The following CMKLR1 variants were observed in gnomAD, a reference collection of about 807,000 sequenced individuals.
CMKLR1 encodes chemerin-like receptor 1.
In CMKLR1, 6 loss-of-function variants were observed where a neutral mutation model predicts 8.2. The ratio of observed to expected loss-of-function variants is 0.73; its 90% confidence interval spans 0.40 to 1.44. The LOEUF (loss-of-function observed/expected upper bound fraction) is 1.44, where lower values mean the gene tolerates loss of function less well. Among genes scored for constraint, CMKLR1 ranks in the 40% most tolerant of loss-of-function variants. The pLI, the probability that CMKLR1 is intolerant of heterozygous loss-of-function variation, is 0.02. For synonymous variants in CMKLR1, 178 were observed against 181.2 expected, an observed-to-expected ratio of 0.98 and a Z score of 0.14; for missense variants, 429 against 478.0, an observed-to-expected ratio of 0.90 and a Z score of 0.96.
Position 108,330,053 on chromosome 12 carries a change from G to T in CMKLR1, c.-132C>A, listed in dbSNP as rs997160311. 1 of 152,130 alleles carries T rather than the reference G, an allele frequency of 6.6e-6. No homozygotes were observed. Among genetic ancestry groups the T allele is most frequent in the African/African-American group, 2.4e-5 (1 of 41,402 alleles). The allele number at this position is 152,130 out of a possible 1,614,324, so 9.4% of individuals were successfully genotyped here. On this transcript the variant is annotated 5_prime_UTR_variant, in exon 2 of 4. Coordinates refer to ENST00000550402, the MANE Select transcript of CMKLR1 (RefSeq NM_001142343.2). ...TTCTCCTCCCCTTGAATCTGCACTG[G>T]CATGGTGAGTTGCTGTGACCAACAG...
intron 2 of CMKLR1, among the ~76,000 whole-genome samples, chr12:108,321,327 G>A (rs1427556854): frequency 6.6e-6 from 1 of 152,134 alleles, no homozygotes; most frequent in Non-Finnish European, 1.5e-5. Flanking sequence ...AGCTATGCAG[G>A]AGGCTAAGGC....
At chr12:108,313,960 C>T (rs902129484) in intron 2 of CMKLR1, among the ~76,000 whole-genome samples, 5 of 152,306 alleles carry the variant, frequency 3.3e-5, no homozygotes, top group South Asian at 4.1e-4. Flanking sequence ...CTTTAATCTC[C>T]GCCAGCACTT....
rs1488413257 is a variant in CMKLR1, at chr12:108,289,242, G to C, written c.*2599C>G. On this transcript the variant is annotated 3_prime_UTR_variant, in exon 4 of 4. Coordinates refer to ENST00000550402, the MANE Select transcript of CMKLR1 (RefSeq NM_001142343.2). ...ACTGAGTCCTGGGCCCAGAGAGAAG[G>C]CTCTGGGCACTAAGTATGTTGGTTG... 6.6e-6 allele frequency: 1 copy of C among 152,286 alleles called. No individual in the cohort carries two copies. The highest frequency in any genetic ancestry group is 1.5e-5 in the Non-Finnish European group (1 of 68,110). 9.4% of individuals were successfully genotyped at this position (152,286 alleles called of 1,614,324 possible).
chr12:108,309,497 T>C (rs1001786370), intron 2 of CMKLR1, among the ~76,000 whole-genome samples: 2 of 150,542 alleles, frequency 1.3e-5, no homozygotes, highest in African/African-American at 2.5e-5. Context: ...ATTGCACCAC[T>C]ACACTCCAAC....
At position 108,292,666 on chromosome 12, in the gene CMKLR1, G is replaced by A. The variant is rs375250297; in HGVS notation, c.297C>T (p.Ala99=). Reference sequence around the variant, plus strand: ...CGAAAACCCAGTGGTAGTCCATGGCGGCATAGGTGATATGGATTGGGAGGA... The same window carrying A: ...CGAAAACCCAGTGGTAGTCCATGGCAGCATAGGTGATATGGATTGGGAGGA... ...NVFLPIHITY[A]AMDYHWVFGT... Residue 99 remains alanine, a synonymous_variant, in exon 4 of 4, where the codon GCC becomes GCT. Coordinates refer to ENST00000550402, the MANE Select transcript of CMKLR1 (RefSeq NM_001142343.2). The A allele has an allele frequency of 6.7e-4, 1,079 of 1,614,140 alleles. 11 individuals carry two copies. In the Middle Eastern group the frequency reaches 0.012, roughly 18 times the overall value.
chr12:108,312,368 CCT>C (rs1212068737), intron 2 of CMKLR1, among the ~76,000 whole-genome samples: 2 of 152,340 alleles, frequency 1.3e-5, no homozygotes, highest in South Asian at 4.1e-4. Flanking sequence ...AGCATTCCTT[CCT>C]CTCCCTAGGA....
At chr12:108,299,378 C>T (rs1411380090) in intron 2 of CMKLR1, among the ~76,000 whole-genome samples, 1 of 152,136 alleles carries the variant, frequency 6.6e-6, no homozygotes, top group Non-Finnish European at 1.5e-5. Flanking sequence ...GTAGGAGTTT[C>T]TACTCCCTTT....
At chr12:108,307,054 A>T (rs1891428397) in intron 2 of CMKLR1, among the ~76,000 whole-genome samples, 1 of 152,154 alleles carries the variant, frequency 6.6e-6, no homozygotes, top group South Asian at 2.1e-4. Flanking sequence ...GCTGGCCTGT[A>T]AACAAATTTT....
At chr12:108,318,218 T>C (rs1293908440) in intron 2 of CMKLR1, among the ~76,000 whole-genome samples, 2 of 152,246 alleles carry the variant, frequency 1.3e-5, no homozygotes, top group Non-Finnish European at 1.5e-5. Flanking sequence ...TACATATGTG[T>C]ATCATTTTCC....
chr12:108,335,425 G>A (rs1593182860), intron 1 of CMKLR1, among the ~76,000 whole-genome samples: 1 of 152,328 alleles, frequency 6.6e-6, no homozygotes, highest in East Asian at 1.9e-4. Flanking sequence ...TGAGGAGAGA[G>A]TGGGACCACC....
intron 2 of CMKLR1, among the ~76,000 whole-genome samples, chr12:108,328,368 T>G (rs1892031847): frequency 6.6e-6 from 1 of 152,194 alleles, no homozygotes; most frequent in Admixed American, 6.5e-5. Context: ...GGCCACGCTT[T>G]ATTTTTTAGC....
rs150895979 is a variant in CMKLR1 at position 108,292,815 on chromosome 12, C to A, written c.148G>T (p.Val50Phe). The A allele has an allele frequency of 6.2e-7, 1 of 1,614,136 alleles. No individual in the cohort carries two copies. Among genetic ancestry groups the A allele is most frequent in the Non-Finnish European group, 8.5e-7 (1 of 1,180,026 alleles). Residue 50 changes from valine (V) to phenylalanine (F), a missense_variant, in exon 4 of 4, where the codon GTC becomes TTC. Transcript: ENST00000550402. The stretch of plus-strand genomic sequence containing the variant: ...TTGCCCAGAATCCCGAGGAAGCAGA[C>A]GATGCTGTAGACCACCACCAGGAAG... ...RIFLVVVYSIVCFLGILGNGL... is the reference protein window; with the variant it reads ...RIFLVVVYSIFCFLGILGNGL...
chr12:108,330,256 T>C (rs571427806), intron 1 of CMKLR1, 49 bp from the exon 2 acceptor site: 2 of 152,320 alleles, frequency 1.3e-5, no homozygotes, highest in South Asian at 4.1e-4. Flanking sequence ...TTCCAGGATG[T>C]GAGATCATCT....
chr12:108,301,985 G>GTA, intron 2 of CMKLR1, among the ~76,000 whole-genome samples: 1 of 152,066 alleles, frequency 6.6e-6, no homozygotes, highest in African/African-American at 2.4e-5. Flanking sequence ...TGCCTCCAAC[G>GTA]GAGGAAGATA....
Position 108,292,430 on chromosome 12 carries a change from C to T in CMKLR1, c.533G>A (p.Arg178Gln), listed in dbSNP as rs754100800. The change falls in exon 4 of 4, where the codon CGG becomes CAG. Residue 178 changes from arginine to glutamine, a missense_variant. Physicochemically the swap from Arg to Gln is conservative, Grantham distance 43. Transcript: ENST00000550402. ...TTTCCCATGCAGGTTGGCTGTGTCCCGGAAGACGAGAGATGGGGAACTCAA... is the reference window on the plus strand; with the variant it reads ...TTTCCCATGCAGGTTGGCTGTGTCCTGGAAGACGAGAGATGGGGAACTCAA... ...FFLSSPSLVF[R>Q]DTANLHGKIS... 6.2e-6 allele frequency: 10 copies of T among 1,613,930 alleles called. No homozygotes were observed. The highest frequency in any genetic ancestry group is 2.2e-5 in the East Asian group (1 of 44,888).
At chr12:108,317,081 G>A (rs1332969964) in intron 2 of CMKLR1, among the ~76,000 whole-genome samples, 3 of 152,204 alleles carry the variant, frequency 2.0e-5, no homozygotes, top group African/African-American at 7.2e-5. Context: ...GGGAATACAG[G>A]CATGAGCCAC....
chr12:108,320,927 G>A (rs1255834142), intron 2 of CMKLR1, among the ~76,000 whole-genome samples: 3 of 152,196 alleles, frequency 2.0e-5, no homozygotes, highest in Non-Finnish European at 2.9e-5. Flanking sequence ...GTATTGTGGT[G>A]GATGTTTTTG....
At chr12:108,312,804 C>T (rs1009813915) in intron 2 of CMKLR1, among the ~76,000 whole-genome samples, 11 of 152,122 alleles carry the variant, frequency 7.2e-5, no homozygotes, top group African/African-American at 2.2e-4. Flanking sequence ...GTGCAACTTC[C>T]GCACCTTGCA....
At chr12:108,335,337 G>A (rs192246167) in intron 1 of CMKLR1, among the ~76,000 whole-genome samples, 1 of 152,196 alleles carries the variant, frequency 6.6e-6, no homozygotes, top group East Asian at 1.9e-4. Context: ...CTGCTTCCAG[G>A]CCAAAGCAGA....
Sources: gnomAD v4.1 joint callset for allele counts (sites outside exome capture counted in the v4.1 genomes callset) on GRCh38, gnomAD v4.1.1 for gene constraint, MANE v1.5 for transcripts, NCBI Gene and HGNC (gene_info 2026-07-23, HGNC 2026-07-21) for gene names.